TAFA4: variants seen among roughly 807,000 people sequenced by gnomAD.
TAFA4 encodes TAFA chemokine like family member 4.
Under a neutral mutation model 21.1 loss-of-function variants are expected in TAFA4, and 20 were observed. The ratio of observed to expected loss-of-function variants is 0.95; its 90% confidence interval spans 0.67 to 1.38. The LOEUF (loss-of-function observed/expected upper bound fraction) is 1.38. TAFA4 is among the 40% of genes most tolerant of loss of function. The probability of loss-of-function intolerance (pLI) is 0.00; values close to 1 mark genes in which losing one functional copy is unlikely to be tolerated. For missense variants in TAFA4, 211 were observed against 180.9 expected (o/e 1.17, Z -0.95); for synonymous variants, 71 against 67.4 (o/e 1.05, Z -0.26).
At chr3:68,775,478 A>G (rs1703032052) in intron 3 of TAFA4, among the ~76,000 whole-genome samples, 1 of 152,162 alleles carries the variant, frequency 6.6e-6, no homozygotes, top group South Asian at 2.1e-4. Context: ...CACCCTTGGA[A>G]GCAGAAGAGC....
chr3:68,844,583 C>T (rs945796181), intron 3 of TAFA4, among the ~76,000 whole-genome samples: 1 of 152,114 alleles, frequency 6.6e-6, no homozygotes, highest in Non-Finnish European at 1.5e-5. Context: ...TTTGCTCTCG[C>T]TTCTCTAGTT....
At chr3:68,760,876 G>C (rs918451540) in intron 3 of TAFA4, among the ~76,000 whole-genome samples, 3 of 152,242 alleles carry the variant, frequency 2.0e-5, no homozygotes, top group Admixed American at 2.0e-4. Context: ...TGGTAGTTTA[G>C]TTGTGAAGAC....
chr3:68,818,790 A>G (rs1273186028), intron 3 of TAFA4, among the ~76,000 whole-genome samples: 1 of 152,202 alleles, frequency 6.6e-6, no homozygotes, highest in African/African-American at 2.4e-5. Context: ...AACAATTACA[A>G]TAGTAATGTC....
At chr3:68,814,835 A>G (rs1188972228) in intron 3 of TAFA4, among the ~76,000 whole-genome samples, 1 of 152,202 alleles carries the variant, frequency 6.6e-6, no homozygotes, top group African/African-American at 2.4e-5. Flanking sequence ...TATGGAACCC[A>G]AAAACAGCCC....
At position 68,885,205 on chromosome 3, in the gene TAFA4, C is replaced by T. The variant is rs748655789; in HGVS notation, c.-17G>A. 2.5e-6 allele frequency: 4 copies of T among 1,611,500 alleles called. No individual in the cohort carries two copies. Among genetic ancestry groups the T allele is most frequent in the East Asian group, 2.2e-5 (1 of 44,806 alleles). The stretch of plus-strand genomic sequence containing the variant: ...GGACCTCATAAGATGTGGTTCTAGT[C>T]AAACACACTTATTCCAGGATATATT... On this transcript the variant is annotated 5_prime_UTR_variant, in exon 2 of 6. Transcript: ENST00000295569.
chr3:68,808,087 GA>G (rs1399040111), intron 3 of TAFA4, among the ~76,000 whole-genome samples: 3 of 151,984 alleles, frequency 2.0e-5, no homozygotes, highest in South Asian at 2.1e-4. Context: ...ATGTTTATTA[GA>G]AAAAAATGGG....
chr3:68,904,923 G>A (rs543654111), intron 1 of TAFA4, among the ~76,000 whole-genome samples: 9 of 152,324 alleles, frequency 5.9e-5, no homozygotes, highest in Admixed American at 5.2e-4. Context: ...CCTTGCAGCT[G>A]TGGCCAAAAT....
At chr3:68,894,615 G>T (rs978096778) in intron 1 of TAFA4, among the ~76,000 whole-genome samples, 6 of 152,174 alleles carry the variant, frequency 3.9e-5, no homozygotes, top group Non-Finnish European at 5.9e-5. Flanking sequence ...GTCAATTCAA[G>T]ACAAATCTAA....
chr3:68,860,906 T>C (rs1271307230), intron 3 of TAFA4, among the ~76,000 whole-genome samples: 1 of 152,080 alleles, frequency 6.6e-6, no homozygotes, highest in Non-Finnish European at 1.5e-5. Context: ...AATTATTTTC[T>C]AAAATACTTG....
intron 1 of TAFA4, among the ~76,000 whole-genome samples, chr3:68,889,809 G>T (rs2089712888): frequency 6.6e-6 from 1 of 152,114 alleles, no homozygotes; most frequent in African/African-American, 2.4e-5. Flanking sequence ...CATGAGAATT[G>T]TCTCAAATAA....
chr3:68,759,266 T>C (rs557662645), intron 3 of TAFA4, among the ~76,000 whole-genome samples: 18 of 152,308 alleles, frequency 1.2e-4, no homozygotes, highest in African/African-American at 4.1e-4. Context: ...ACTCAATCCA[T>C]TGATTCAAAT....
chr3:68,734,232 C>T (rs1052895102), intron 5 of TAFA4, among the ~76,000 whole-genome samples: 6 of 152,154 alleles, frequency 3.9e-5, no homozygotes, highest in African/African-American at 1.4e-4. Flanking sequence ...TTTCCAAGTA[C>T]TTAAAAATGT....
chr3:68,926,272 C>T (rs916144830), intron 1 of TAFA4, among the ~76,000 whole-genome samples: 1 of 151,210 alleles, frequency 6.6e-6, no homozygotes. Context: ...ATAAAAGCAG[C>T]AGGAGGGAAT....
chr3:68,768,290 C>G (rs1702893298), intron 3 of TAFA4, among the ~76,000 whole-genome samples: 1 of 151,982 alleles, frequency 6.6e-6, no homozygotes, highest in African/African-American at 2.4e-5. Context: ...GAAAAATGGG[C>G]AAAAGACCTA....
chr3:68,840,616 G>T (rs1704638556), intron 3 of TAFA4, among the ~76,000 whole-genome samples: 1 of 152,112 alleles, frequency 6.6e-6, no homozygotes. Context: ...AAACTCTTAT[G>T]TTGTTTCCTT....
At chr3:68,806,661 T>G (rs755389781) in intron 3 of TAFA4, among the ~76,000 whole-genome samples, 1 of 152,096 alleles carries the variant, frequency 6.6e-6, no homozygotes, top group Non-Finnish European at 1.5e-5. Flanking sequence ...TGGTAGAAGG[T>G]AGGACTTCTG....
Position 68,733,049 on chromosome 3 carries a change from A to C in TAFA4, c.*93T>G. On this transcript the variant is annotated 3_prime_UTR_variant, in exon 6 of 6. Coordinates refer to ENST00000295569, the MANE Select transcript of TAFA4 (RefSeq NM_182522.5). ...AAATATGAAGTTGCTGAAATCCTAG[A>C]CAATTTTCTGCAAAGGGGCCATGAT... 1 of 1,559,106 alleles carries C rather than the reference A, an allele frequency of 6.4e-7. No individual in the cohort carries two copies. The highest frequency in any genetic ancestry group is 8.8e-7 in the Non-Finnish European group (1 of 1,139,450).
At chr3:68,762,876 A>G (rs1702781542) in intron 3 of TAFA4, among the ~76,000 whole-genome samples, 1 of 152,230 alleles carries the variant, frequency 6.6e-6, no homozygotes, top group Non-Finnish European at 1.5e-5. Flanking sequence ...CGTCCCTGCT[A>G]AAATTATGAA....
intron 3 of TAFA4, among the ~76,000 whole-genome samples, chr3:68,870,303 T>G (rs553490140): frequency 6.6e-6 from 1 of 152,022 alleles, no homozygotes; most frequent in South Asian, 2.1e-4. Context: ...CAATGCAATC[T>G]CTATCAAAAA....
Sources: gnomAD v4.1 joint callset for allele counts (sites outside exome capture counted in the v4.1 genomes callset) on GRCh38, gnomAD v4.1.1 for gene constraint, MANE v1.5 for transcripts, NCBI Gene and HGNC (gene_info 2026-07-23, HGNC 2026-07-21) for gene names.